NOS1: variants seen among roughly 807,000 people sequenced by gnomAD.
NOS1 encodes the protein nitric oxide synthase 1.
In NOS1, 51 loss-of-function variants were observed where a neutral mutation model predicts 164.5. The observed-to-expected ratio is 0.31, with a 90% CI of 0.25 to 0.39. NOS1 has a LOEUF of 0.39. NOS1 is among the 10% of genes least tolerant of loss of function. The pLI, the probability that NOS1 is intolerant of heterozygous loss-of-function variation, is 1.00. For synonymous variants in NOS1, 719 were observed against 745.8 expected, an observed-to-expected ratio of 0.96 and a Z score of 0.59; for missense variants, 1,362 against 1,885.6, an observed-to-expected ratio of 0.72 and a Z score of 5.14.
chr12:117,347,014 T>C (rs1876384400), intron 1 of NOS1, among the ~76,000 whole-genome samples: 1 of 152,020 alleles, frequency 6.6e-6, no homozygotes, highest in African/African-American at 2.4e-5. Flanking sequence ...AGGCCGGGCA[T>C]GGTGGCTCAC....
Position 117,243,448 on chromosome 12 carries a change from C to T in NOS1, c.2824-13G>A, listed in dbSNP as rs1381666260. The T allele has an allele frequency of 6.2e-7, 1 of 1,613,408 alleles. No individual in the cohort carries two copies. Among genetic ancestry groups the T allele is most frequent in the Non-Finnish European group, 8.5e-7 (1 of 1,179,648 alleles). The stretch of plus-strand genomic sequence containing the variant: ...CATCACAGGCTGCCTGTGGTGTACA[C>T]AAGGCTTTCAGTGACCTCTTTCAGC... On this transcript the variant is annotated splice_polypyrimidine_tract_variant and intron_variant, in intron 18 of 28. Transcript: ENST00000317775. This position sits in a 1 kb window ranked among gnomAD's most constrained non-coding sequence, Gnocchi z 4.3.
intron 20 of NOS1, among the ~76,000 whole-genome samples, chr12:117,241,256 T>A (rs949443089): frequency 6.6e-6 from 1 of 152,044 alleles, no homozygotes; most frequent in Non-Finnish European, 1.5e-5. Flanking sequence ...TTTCTAGCAC[T>A]AATGAAGGTC....
At chr12:117,229,808 C>T (rs1203809643) in intron 22 of NOS1, among the ~76,000 whole-genome samples, 1 of 152,212 alleles carries the variant, frequency 6.6e-6, no homozygotes, top group African/African-American at 2.4e-5. Context: ...AGGCTGGGCC[C>T]GAACGCCTGA....
In NOS1 at chr12:117,243,299, T is replaced by C; in HGVS notation, c.2960A>G (p.Gln987Arg). Residue 987 changes from glutamine to arginine, a missense_variant and splice_region_variant, in exon 19 of 29, where the codon CAA becomes CGA. Gln to Arg is a conservative substitution (Grantham distance 43). Coordinates refer to ENST00000317775, the MANE Select transcript of NOS1 (RefSeq NM_000620.5). This position sits in a 1 kb window ranked among gnomAD's most constrained non-coding sequence, Gnocchi z 4.3. ...TFVAEAPELTQGLSNVHKKRV... is the reference protein window; with the variant it reads ...TFVAEAPELTRGLSNVHKKRV... ...CCTGGAAGGGTGGTGGGAGGTACCT[T>C]GTGTGAGTTCTGGAGCTTCGGCCAC... The C allele has an allele frequency of 6.8e-6, 11 of 1,614,102 alleles. No homozygotes were observed. Among genetic ancestry groups the C allele is most frequent in the Non-Finnish European group, 9.3e-6 (11 of 1,180,010 alleles).
At chr12:117,340,385 C>CT (rs1876040550) in intron 1 of NOS1, among the ~76,000 whole-genome samples, 1 of 152,194 alleles carries the variant, frequency 6.6e-6, no homozygotes, top group African/African-American at 2.4e-5. Context: ...GTCTGATTCT[C>CT]TACTTGGCTT....
chr12:117,307,475 C>A (rs1320825334), intron 3 of NOS1, among the ~76,000 whole-genome samples: 2 of 152,160 alleles, frequency 1.3e-5, no homozygotes, highest in African/African-American at 4.8e-5. Context: ...ATACTCCCGC[C>A]TCAACCTCCC....
intron 3 of NOS1, among the ~76,000 whole-genome samples, chr12:117,300,892 C>A (rs1484551487): frequency 6.6e-6 from 1 of 152,148 alleles, no homozygotes. Flanking sequence ...TCAAGAAGCA[C>A]CCTGAGATGT....
chr12:117,340,311 T>C (rs1225723600), intron 1 of NOS1, among the ~76,000 whole-genome samples: 1 of 152,208 alleles, frequency 6.6e-6, no homozygotes, highest in Non-Finnish European at 1.5e-5. Flanking sequence ...GACTAAATTA[T>C]TATTTTTTAA....
intron 1 of NOS1, among the ~76,000 whole-genome samples, chr12:117,340,678 C>T (rs1295146427): frequency 3.4e-5 from 5 of 147,902 alleles, no homozygotes; most frequent in African/African-American, 1.0e-4. Flanking sequence ...TACAGGCACC[C>T]GCCACCACTC....
At position 117,227,345 on chromosome 12, in the gene NOS1, G is replaced by A. The variant is rs1868786799; in HGVS notation, c.3616+86C>T. The A allele has an allele frequency of 9.5e-6, 12 of 1,259,848 alleles. No individual in the cohort carries two copies. In the South Asian group the frequency reaches 1.4e-4, roughly 15 times the overall value. 78.0% of individuals were successfully genotyped at this position (1,259,848 alleles called of 1,614,324 possible). On this transcript the variant is annotated intron_variant, in intron 23 of 28. Transcript: ENST00000317775. ...TTTCTTCCCAGGGATTTGGGATTTA[G>A]CCTGCAGACGGTGGTTTAGGGAACC...
chr12:117,284,666 G>T (rs1873958626), intron 7 of NOS1, among the ~76,000 whole-genome samples: 1 of 152,190 alleles, frequency 6.6e-6, no homozygotes, highest in African/African-American at 2.4e-5. Flanking sequence ...TGAACTGTGG[G>T]TTGAACGTGA....
At chr12:117,228,869 C>T (rs1868935971) in intron 22 of NOS1, among the ~76,000 whole-genome samples, 1 of 152,170 alleles carries the variant, frequency 6.6e-6, no homozygotes, top group African/African-American at 2.4e-5. Context: ...TAAGCTCCGC[C>T]TCCCGGGGTT....
intron 1 of NOS1, among the ~76,000 whole-genome samples, chr12:117,339,473 AC>A (rs1875994963): frequency 1.3e-5 from 2 of 152,158 alleles, no homozygotes; most frequent in Admixed American, 1.3e-4. Flanking sequence ...GACAATATCT[AC>A]CTCCAAATTT....
At chr12:117,285,807 G>A in intron 6 of NOS1, among the ~76,000 whole-genome samples, 1 of 152,172 alleles carries the variant, frequency 6.6e-6, no homozygotes, top group East Asian at 1.9e-4. Context: ...AGGCTAAGTA[G>A]ATGCAAGACA....
At position 117,288,160 on chromosome 12, in the gene NOS1, T is replaced by C. The variant is rs749917472; in HGVS notation, c.1041A>G (p.Ala347=). 15 of 1,614,128 alleles carry C rather than the reference T, an allele frequency of 9.3e-6. No homozygotes were observed. The highest frequency in any genetic ancestry group is 9.3e-6 in the Non-Finnish European group (11 of 1,180,010). The change falls in exon 5 of 29, where the codon GCA becomes GCG. Residue 347 remains alanine, a synonymous_variant. Coordinates refer to ENST00000317775, the MANE Select transcript of NOS1 (RefSeq NM_000620.5). The part of the protein sequence containing the change: ...MGSIMHPSQH[A]RRPEDVRTKG... Reference sequence around the variant, plus strand: ...TTGTGCGGACGTCTTCAGGCCTCCTTGCATGCTGAGAAGGATGCATGATGG... The same window carrying C: ...TTGTGCGGACGTCTTCAGGCCTCCTCGCATGCTGAGAAGGATGCATGATGG...
chr12:117,283,911 G>T (rs1030834375), intron 7 of NOS1, among the ~76,000 whole-genome samples: 1 of 143,390 alleles, frequency 7.0e-6, no homozygotes, highest in East Asian at 2.2e-4. Context: ...TAAACTCTTT[G>T]AGGGCCTAAT....
chr12:117,258,993 C>T (rs921283848), intron 15 of NOS1, 33 bp downstream of exon 15: 2 of 1,510,504 alleles, frequency 1.3e-6, no homozygotes, highest in Non-Finnish European at 1.8e-6. Context: ...GATGATGGAA[C>T]CACACTCTTG....
intron 2 of NOS1, among the ~76,000 whole-genome samples, chr12:117,312,121 C>A (rs1046596904): frequency 6.6e-6 from 1 of 151,942 alleles, no homozygotes; most frequent in Admixed American, 6.6e-5. Context: ...CAGAATGATT[C>A]GGAAAATAAA....
In NOS1 at chr12:117,208,564, G is replaced by A. The variant is rs1025345605; in HGVS notation, c.*6745C>T. ...GAGTGTGAGTCTTAACAATCACAAC[G>A]AGAACACAACAATGAAAACAGTGGC... On this transcript the variant is annotated 3_prime_UTR_variant, in exon 29 of 29. Transcript: ENST00000317775. 7.0e-5 allele frequency: 84 copies of A among 1,203,842 alleles called. No homozygotes were observed. Among genetic ancestry groups the A allele is most frequent in the Admixed American group, 3.4e-4 (11 of 32,760 alleles). 74.6% of individuals were successfully genotyped at this position (1,203,842 alleles called of 1,614,324 possible). A position where few individuals can be genotyped will look rare whatever the true frequency, so the allele number is the denominator to read the frequency against.
Sources: gnomAD v4.1 joint callset for allele counts (sites outside exome capture counted in the v4.1 genomes callset) on GRCh38, gnomAD v4.1.1 for gene constraint, Gnocchi (gnomAD v3.1) non-coding constraint, MANE v1.5 for transcripts, NCBI Gene and HGNC (gene_info 2026-07-23, HGNC 2026-07-21) for gene names.